GUCY1A2: variants seen among roughly 807,000 people sequenced by gnomAD.
GUCY1A2 encodes the protein guanylate cyclase 1 soluble subunit alpha 2.
In GUCY1A2, 27 loss-of-function variants were observed where a neutral mutation model predicts 63.5. That is an observed-to-expected ratio of 0.43 (90% CI 0.31 to 0.59). The LOEUF is 0.59. Among genes scored for constraint, GUCY1A2 ranks in the 20% least tolerant of loss-of-function variants. The pLI, the probability that GUCY1A2 is intolerant of heterozygous loss-of-function variation, is 0.11. For missense variants in GUCY1A2, 768 were observed against 913.3 expected, an observed-to-expected ratio of 0.84 and a Z score of 2.05; for synonymous variants, 364 against 343.5, an observed-to-expected ratio of 1.06 and a Z score of -0.66.
chr11:106,711,610 A>C (rs1863120301), intron 6 of GUCY1A2, among the ~76,000 whole-genome samples: 1 of 152,102 alleles, frequency 6.6e-6, no homozygotes, highest in African/African-American at 2.4e-5. Flanking sequence ...GGGATGTGGA[A>C]AGATAGCAAA....
intron 6 of GUCY1A2, among the ~76,000 whole-genome samples, chr11:106,759,638 TA>T (rs1864031151): frequency 6.6e-6 from 1 of 152,166 alleles, no homozygotes; most frequent in African/African-American, 2.4e-5. Context: ...AGTATCCTTA[TA>T]AAAAGGAGAA....
chr11:106,713,568 G>A (rs1863162218), intron 6 of GUCY1A2, among the ~76,000 whole-genome samples: 1 of 135,096 alleles, frequency 7.4e-6, no homozygotes, highest in Admixed American at 8.5e-5. Flanking sequence ...GTGCAGTGGC[G>A]CGATCTCAGC....
chr11:107,014,378 C>G (rs150392304), intron 1 of GUCY1A2, among the ~76,000 whole-genome samples: 1 of 152,088 alleles, frequency 6.6e-6, no homozygotes, highest in African/African-American at 2.4e-5. Flanking sequence ...TGAGCCACCA[C>G]GCCTGGCCCA....
chr11:106,791,071 C>T (rs529644224), intron 5 of GUCY1A2, among the ~76,000 whole-genome samples: 1 of 152,228 alleles, frequency 6.6e-6, no homozygotes, highest in Admixed American at 6.5e-5. Context: ...TACTTGTGGC[C>T]TGGACTGACT....
intron 4 of GUCY1A2, among the ~76,000 whole-genome samples, chr11:106,859,664 TA>T (rs1859482714): frequency 6.6e-6 from 1 of 152,032 alleles, no homozygotes; most frequent in African/African-American, 2.4e-5. Flanking sequence ...ATACATCACC[TA>T]ACAATGTTCC....
At chr11:106,723,705 C>T (rs1863356258) in intron 6 of GUCY1A2, among the ~76,000 whole-genome samples, 1 of 152,148 alleles carries the variant, frequency 6.6e-6, no homozygotes, top group African/African-American at 2.4e-5. Context: ...TGCCTGTAGT[C>T]CCAGCTACTT....
At chr11:107,000,289 G>A (rs906658377) in intron 1 of GUCY1A2, among the ~76,000 whole-genome samples, 12 of 152,164 alleles carry the variant, frequency 7.9e-5, no homozygotes, top group African/African-American at 2.9e-4. Flanking sequence ...TTTATGTCAG[G>A]TGGAAACAAT....
intron 4 of GUCY1A2, among the ~76,000 whole-genome samples, chr11:106,854,806 G>C (rs1281011811): frequency 6.6e-6 from 1 of 152,168 alleles, no homozygotes; most frequent in African/African-American, 2.4e-5. Context: ...TTGGAGTGGA[G>C]GGGAGGTTGT....
chr11:106,713,496 C>CTTTTTTTTTTTTTTTTTTTTT (rs143909145), intron 6 of GUCY1A2, among the ~76,000 whole-genome samples: 1 of 78,352 alleles, frequency 1.3e-5, no homozygotes, highest in African/African-American at 5.6e-5. Flanking sequence ...TAGTATGTTT[C>CTTTTTTTTTTTTTTTTTTTTT]TTTTTTTTTT....
intron 2 of GUCY1A2, among the ~76,000 whole-genome samples, chr11:106,981,370 G>C (rs1047500426): frequency 4.0e-5 from 6 of 150,796 alleles, no homozygotes; most frequent in Non-Finnish European, 7.4e-5. Context: ...TTAATAATTG[G>C]AGCAATACAA....
At chr11:106,818,966 G>A (rs902883315) in intron 4 of GUCY1A2, among the ~76,000 whole-genome samples, 14 of 152,132 alleles carry the variant, frequency 9.2e-5, no homozygotes, top group African/African-American at 3.1e-4. Context: ...GATGGTTCAT[G>A]AGGTTTAAAG....
At chr11:106,859,252 A>G (rs1055531644) in intron 4 of GUCY1A2, among the ~76,000 whole-genome samples, 1 of 151,882 alleles carries the variant, frequency 6.6e-6, no homozygotes, top group African/African-American at 2.4e-5. Flanking sequence ...CCTGAATCCA[A>G]TCCTGTGTTA....
At chr11:106,958,610 A>G (rs1310330417) in intron 3 of GUCY1A2, among the ~76,000 whole-genome samples, 1 of 63,228 alleles carries the variant, frequency 1.6e-5, no homozygotes, top group Non-Finnish European at 3.3e-5. Context: ...ACTGTTTAAT[A>G]TAAAAAAAAA....
At chr11:106,720,059 T>C (rs1339980029) in intron 6 of GUCY1A2, among the ~76,000 whole-genome samples, 1 of 152,210 alleles carries the variant, frequency 6.6e-6, no homozygotes, top group East Asian at 1.9e-4. Context: ...TTATATCTCC[T>C]GATGGCTTTT....
chr11:106,689,083 C>A lies in GUCY1A2; in HGVS notation c.1992-1327G>T, dbSNP rs1025749657. 2.0e-5 allele frequency among the ~76,000 whole-genome samples: 3 copies of A among 151,956 alleles called. No individual in the cohort carries two copies. In the East Asian group the frequency reaches 5.8e-4, roughly 29 times the overall value. ...GCTCCAAGTAGGAGGCAGGTCGGGG[C>A]AAAAGAAACAATGAGCACAAGAAGA... On this transcript the variant is annotated intron_variant, in intron 7 of 7. Transcript: ENST00000526355.
chr11:106,969,867 T>C (rs1009472684), intron 3 of GUCY1A2, among the ~76,000 whole-genome samples: 1 of 152,196 alleles, frequency 6.6e-6, no homozygotes, highest in Admixed American at 6.5e-5. Context: ...TGTGACCCCA[T>C]GCAAGCAGCC....
At chr11:106,721,105 C>T (rs372411176) in intron 6 of GUCY1A2, among the ~76,000 whole-genome samples, 115 of 149,934 alleles carry the variant, frequency 7.7e-4, no homozygotes, top group Middle Eastern at 3.5e-3. Context: ...GTCACCCAGG[C>T]TGGAGTGCAG....
At chr11:106,722,118 A>C (rs554060086) in intron 6 of GUCY1A2, among the ~76,000 whole-genome samples, 1 of 152,118 alleles carries the variant, frequency 6.6e-6, no homozygotes, top group African/African-American at 2.4e-5. Context: ...GCCAGGCACA[A>C]ATGTTCCTCT....
At chr11:106,897,678 A>G (rs1279524465) in intron 4 of GUCY1A2, among the ~76,000 whole-genome samples, 1 of 152,090 alleles carries the variant, frequency 6.6e-6, no homozygotes, top group African/African-American at 2.4e-5. Flanking sequence ...TTGAATCTAG[A>G]TACAGACCTC....
Sources: gnomAD v4.1 joint callset for allele counts (sites outside exome capture counted in the v4.1 genomes callset) on GRCh38, gnomAD v4.1.1 for gene constraint, MANE v1.5 for transcripts, NCBI Gene and HGNC (gene_info 2026-07-23, HGNC 2026-07-21) for gene names.